The following CAPN11 variants were observed in gnomAD, a reference collection of about 807,000 sequenced individuals.
CAPN11 encodes calpain-11.
In CAPN11, 108 loss-of-function variants were observed where a neutral mutation model predicts 105.3. The ratio of observed to expected loss-of-function variants is 1.03; its 90% CI spans 0.88 to 1.20. The LOEUF (loss-of-function observed/expected upper bound fraction) is 1.20, where lower values mean the gene tolerates loss of function less well. Ranked by LOEUF, CAPN11 falls within the 50% of genes most tolerant of loss-of-function variation. CAPN11 has a pLI of 0.00. For missense variants in CAPN11, 883 were observed against 924.8 expected (o/e 0.95, Z 0.59); for synonymous variants, 329 against 344.5 (o/e 0.96, Z 0.50).
Position 44,169,523 on chromosome 6 carries a change from C to G in CAPN11, c.331C>G (p.Arg111Gly). The G allele has an allele frequency of 6.3e-7, 1 of 1,574,840 alleles. No homozygotes were observed. Among genetic ancestry groups the G allele is most frequent in the Non-Finnish European group, 8.6e-7 (1 of 1,160,032 alleles). ...AAATGTGCAGAACATCTCCTGGCAG[C>G]GGCCCAAGGTGGGCACTGGAAGGGA... ...SKNVQNISWQRPKDIINNPLF... is the reference protein window; with the variant it reads ...SKNVQNISWQGPKDIINNPLF... Residue 111 changes from arginine (R) to glycine (G), a missense_variant, in exon 3 of 23, where the codon CGG becomes GGG. By Grantham distance (125) the Arg-to-Gly change is moderately radical. Transcript: ENST00000398776.
In CAPN11 at chr6:44,169,476, A is replaced by G; in HGVS notation, c.284A>G (p.Lys95Arg). The change falls in exon 3 of 23, where the codon AAG (lysine) becomes AGG (arginine). Residue 95 changes from lysine to arginine, a missense_variant. Coordinates refer to ENST00000398776, the MANE Select transcript of CAPN11 (RefSeq NM_007058.4). The stretch of plus-strand genomic sequence containing the variant: ...GCTGAACCCAGCTCACTGGGCTTCA[A>G]GGACCTGGGCCCCAACTCCAAAAAT... ...FPAEPSSLGF[K>R]DLGPNSKNVQ... 1.2e-6 allele frequency: 2 copies of G among 1,608,802 alleles called. No individual in the cohort carries two copies. Among genetic ancestry groups the G allele is most frequent in the Non-Finnish European group, 1.7e-6 (2 of 1,177,744 alleles).
At chr6:44,163,459 G>T (rs578255049) in intron 1 of CAPN11, among the ~76,000 whole-genome samples, 2 of 152,160 alleles carry the variant, frequency 1.3e-5, no homozygotes, top group Admixed American at 1.3e-4. Context: ...TCACCATGGC[G>T]ACCTCCCAGC....
At position 44,180,445 on chromosome 6, in the gene CAPN11, A is replaced by G. The variant is rs368343678; in HGVS notation, c.1641-15A>G. 1.2e-5 allele frequency: 20 copies of G among 1,612,696 alleles called. No individual in the cohort carries two copies. In the African/African-American group the frequency reaches 2.4e-4, roughly 19 times the overall value. On this transcript the variant is annotated splice_polypyrimidine_tract_variant and intron_variant, in intron 14 of 22. Transcript: ENST00000398776. ...TCCCCCTGGTAACTCTTGAGCTTTC[A>G]ATCATTTTGCCCAGGGAATTGGATG...
intron 12 of CAPN11, 73 bp downstream of exon 12, chr6:44,177,493 T>TTTCTTTCTTTC: frequency 5.1e-6 from 4 of 786,800 alleles, no homozygotes; most frequent in South Asian, 6.3e-5. Context: ...TCTTTCTTTC[T>TTTCTTTCTTTC]TTTTTTTTTT....
intron 18 of CAPN11, 73 bp downstream of exon 18, chr6:44,181,070 G>A: frequency 7.2e-7 from 1 of 1,385,552 alleles, no homozygotes; most frequent in Non-Finnish European, 1.0e-6. Flanking sequence ...GCCACCCTGG[G>A]CCAGCCACGT....
At chr6:44,168,458 C>T (rs1007780239) in intron 2 of CAPN11, among the ~76,000 whole-genome samples, 2 of 151,450 alleles carry the variant, frequency 1.3e-5, no homozygotes, top group Non-Finnish European at 2.9e-5. Context: ...TTAGTAGAGA[C>T]GGGGTTTCAC....
At position 44,169,194 on chromosome 6, in the gene CAPN11, A is replaced by C. The variant is rs565764299; in HGVS notation, c.89-87A>C. ...AGAGATCCTCCCACCTCAGCCTCCC[A>C]AAGTGCTGAGATTACAGGAGTGAAC... is the stretch of plus-strand genomic sequence containing the variant. On this transcript the variant is annotated intron_variant, in intron 2 of 22. Coordinates refer to ENST00000398776, the MANE Select transcript of CAPN11 (RefSeq NM_007058.4). The C allele has an allele frequency of 7.3e-4, 1,018 of 1,388,704 alleles. 5 individuals carry two copies. The highest frequency in any genetic ancestry group is 6.8e-5 in the Non-Finnish European group (70 of 1,027,962). 86.0% of individuals were successfully genotyped at this position (1,388,704 alleles called of 1,614,324 possible). A position where few individuals can be genotyped will look rare whatever the true frequency, so the allele number is the denominator to read the frequency against.
At chr6:44,167,081 C>T (rs1011389954) in intron 2 of CAPN11, among the ~76,000 whole-genome samples, 11 of 152,172 alleles carry the variant, frequency 7.2e-5, no homozygotes, top group Non-Finnish European at 1.3e-4. Flanking sequence ...CAGCCTGACT[C>T]GACTCTTACC....
At position 44,176,287 on chromosome 6, in the gene CAPN11, G is replaced by A. The variant is rs763098098; in HGVS notation, c.950G>A (p.Arg317Gln). 1.1e-5 allele frequency: 17 copies of A among 1,613,784 alleles called. No homozygotes were observed. The highest frequency in any genetic ancestry group is 6.6e-5 in the South Asian group (6 of 91,082). ...HYRGKMETLI[R>Q]VRNPWGRIEW... ...AGAGGCAAAATGGAAACACTGATTC[G>A]GGTCCGGAATCCCTGGGGCCGGATT... The change falls in exon 9 of 23, where the codon CGG (arginine) becomes CAG (glutamine). Residue 317 changes from arginine to glutamine, a missense_variant. Coordinates refer to ENST00000398776, the MANE Select transcript of CAPN11 (RefSeq NM_007058.4).
Position 44,183,175 on chromosome 6 carries a change from G to A in CAPN11, c.2074G>A (p.Asp692Asn), listed in dbSNP as rs748888346. The A allele has an allele frequency of 5.0e-6, 8 of 1,613,596 alleles. No individual in the cohort carries two copies. In the Admixed American group the frequency reaches 8.3e-5, roughly 17 times the overall value. The change falls in exon 21 of 23, where the codon GAC becomes AAC. Residue 692 changes from aspartate (D) to asparagine (N), a missense_variant. By Grantham distance (23) the Asp-to-Asn change is conservative. Transcript: ENST00000398776. ...CCTGGTGGCCAGGTATGCAGATGAT[G>A]ACCTGATCATAGACTTTGACAGCTT... Reference protein sequence around the residue: ...QVLVARYADDDLIIDFDSFIS... With the variant: ...QVLVARYADDNLIIDFDSFIS...
intron 11 of CAPN11, 87 bp downstream of exon 11, chr6:44,177,085 C>A: frequency 6.6e-7 from 1 of 1,514,328 alleles, no homozygotes; most frequent in South Asian, 1.2e-5. Context: ...GGGCACGAGT[C>A]ACCGGAGTCA....
At chr6:44,182,264 A>ATACACACT (rs1773836369) in intron 19 of CAPN11, among the ~76,000 whole-genome samples, 2 of 75,110 alleles carry the variant, frequency 2.7e-5, no homozygotes, top group African/African-American at 4.7e-5. Flanking sequence ...ACACACACAC[A>ATACACACT]CACATACAGA....
rs1388640598 is a variant in CAPN11, at chr6:44,169,467, T to C, written c.275T>C (p.Leu92Pro). The C allele has an allele frequency of 1.2e-6, 2 of 1,610,742 alleles. No homozygotes were observed. The highest frequency in any genetic ancestry group is 1.7e-6 in the Non-Finnish European group (2 of 1,178,604). The change falls in exon 3 of 23, where the codon CTG (leucine) becomes CCG (proline). Residue 92 changes from leucine (L) to proline (P), a missense_variant. Coordinates refer to ENST00000398776, the MANE Select transcript of CAPN11 (RefSeq NM_007058.4). ...DPLFPAEPSS[L>P]GFKDLGPNSK... ...TTATTCCCTGCTGAACCCAGCTCAC[T>C]GGGCTTCAAGGACCTGGGCCCCAAC...
chr6:44,183,831 C>CCCCCG, intron 22 of CAPN11, 68 bp downstream of exon 22: 1 of 1,578,918 alleles, frequency 6.3e-7, no homozygotes. Flanking sequence ...CCACCCCCAC[C>CCCCCG]CAGCTCTGAT....
chr6:44,165,507 G>C, intron 1 of CAPN11, among the ~76,000 whole-genome samples: 1 of 152,242 alleles, frequency 6.6e-6, no homozygotes, highest in East Asian at 1.9e-4. Context: ...ATCGCGGGCT[G>C]TGTGGAGGAG....
Position 44,180,588 on chromosome 6 carries a change from G to A in CAPN11, c.1681-9G>A, listed in dbSNP as rs753660329. ...TGACCAGGTCCCTTTCCTGCTCCCC[G>A]GCCCCCAGGAAAAGGTCTCTGAGGA... On this transcript the variant is annotated splice_polypyrimidine_tract_variant and intron_variant, in intron 15 of 22. Transcript: ENST00000398776. The A allele has an allele frequency of 5.6e-6, 9 of 1,613,718 alleles. No individual in the cohort carries two copies. The highest frequency in any genetic ancestry group is 2.2e-5 in the East Asian group (1 of 44,856).
chr6:44,184,130 G>A lies in CAPN11; in HGVS notation c.*198G>A, dbSNP rs1774209115. 1 of 598,056 alleles carries A rather than the reference G, an allele frequency of 1.7e-6. No homozygotes were observed. The highest frequency in any genetic ancestry group is 3.0e-5 in the Admixed American group (1 of 33,764). 37.0% of individuals were successfully genotyped at this position (598,056 alleles called of 1,614,324 possible). ...CCGTGCCCACTCCCCCAGCTCAGAGGCTTTCTCTTTTTTCCCCAACCCGGC... is the reference window on the plus strand; with the variant it reads ...CCGTGCCCACTCCCCCAGCTCAGAGACTTTCTCTTTTTTCCCCAACCCGGC... On this transcript the variant is annotated 3_prime_UTR_variant, in exon 23 of 23. Transcript: ENST00000398776.
At chr6:44,183,345 C>T (rs1382577181) in intron 21 of CAPN11, 110 bp downstream of exon 21, 2 of 728,796 alleles carry the variant, frequency 2.7e-6, no homozygotes, top group Non-Finnish European at 4.9e-6. Context: ...TTACAAGGCA[C>T]ACATGAAATG....
intron 1 of CAPN11, among the ~76,000 whole-genome samples, chr6:44,162,333 C>T (rs1213846628): frequency 1.3e-5 from 2 of 151,280 alleles, no homozygotes; most frequent in Non-Finnish European, 2.9e-5. Context: ...TTTAACCCCG[C>T]CCCCGCAGCC....
Sources: gnomAD v4.1 joint callset for allele counts (sites outside exome capture counted in the v4.1 genomes callset) on GRCh38, gnomAD v4.1.1 for gene constraint, MANE v1.5 for transcripts, NCBI Gene and HGNC (gene_info 2026-07-23, HGNC 2026-07-21) for gene names.